The following RALGPS2 variants were observed in gnomAD, a reference collection of about 807,000 sequenced individuals.
RALGPS2 encodes the protein Ral GEF with PH domain and SH3 binding motif 2.
RALGPS2 carries 43 observed loss-of-function variants against 86.8 expected under a neutral mutation model. The ratio of observed to expected loss-of-function variants is 0.50; its 90% CI spans 0.39 to 0.64. The LOEUF (loss-of-function observed/expected upper bound fraction) is 0.64, where lower values mean the gene tolerates loss of function less well. Among genes scored for constraint, RALGPS2 ranks in the 30% least tolerant of loss-of-function variants. RALGPS2 has a pLI of 0.00. For missense variants in RALGPS2, 536 were observed against 694.6 expected, an observed-to-expected ratio of 0.77 and a Z score of 2.57; for synonymous variants, 243 against 231.3, an observed-to-expected ratio of 1.05 and a Z score of -0.46.
At chr1:178,771,059 G>T (rs141009026) in intron 1 of RALGPS2, among the ~76,000 whole-genome samples, 1 of 151,324 alleles carries the variant, frequency 6.6e-6, no homozygotes, top group South Asian at 2.1e-4. Flanking sequence ...CGCTGGTCTC[G>T]AACTCCTGAT....
chr1:178,819,231 A>G (rs1655382927), intron 6 of RALGPS2, among the ~76,000 whole-genome samples: 1 of 152,046 alleles, frequency 6.6e-6, no homozygotes, highest in Non-Finnish European at 1.5e-5. Flanking sequence ...GGGCTCAAGC[A>G]GTTCACCTGC....
At chr1:178,897,415 T>G (rs1025790156) in intron 16 of RALGPS2, among the ~76,000 whole-genome samples, 1 of 152,062 alleles carries the variant, frequency 6.6e-6, no homozygotes, top group Non-Finnish European at 1.5e-5. Context: ...GAGTTTGCCT[T>G]TAGATAGAAT....
chr1:178,810,362 G>A (rs970934480), intron 5 of RALGPS2, among the ~76,000 whole-genome samples: 5 of 152,078 alleles, frequency 3.3e-5, no homozygotes, highest in Non-Finnish European at 7.4e-5. Flanking sequence ...ACTCCAGCCT[G>A]GGCAACAGAA....
chr1:178,774,312 T>C (rs969084657), intron 1 of RALGPS2, among the ~76,000 whole-genome samples: 3 of 152,310 alleles, frequency 2.0e-5, no homozygotes, highest in African/African-American at 4.8e-5. Flanking sequence ...TGATTCTTCA[T>C]GCTTATAGTT....
intron 1 of RALGPS2, among the ~76,000 whole-genome samples, chr1:178,743,756 C>T (rs1466484590): frequency 2.6e-5 from 4 of 152,016 alleles, no homozygotes; most frequent in South Asian, 2.1e-4. Context: ...ATGAATTGGA[C>T]GAATTTTTTG....
At chr1:178,730,247 T>C (rs914946214) in intron 1 of RALGPS2, among the ~76,000 whole-genome samples, 6 of 152,192 alleles carry the variant, frequency 3.9e-5, no homozygotes, top group African/African-American at 1.4e-4. Flanking sequence ...TGGCCCTGTT[T>C]TTCAGTTTTC....
chr1:178,861,410 T>C (rs991150456), intron 8 of RALGPS2, among the ~76,000 whole-genome samples: 1 of 151,840 alleles, frequency 6.6e-6, no homozygotes, highest in Non-Finnish European at 1.5e-5. Flanking sequence ...TTTGACATAC[T>C]AAATCCCTAA....
chr1:178,776,246 T>C (rs1653077194), intron 1 of RALGPS2, among the ~76,000 whole-genome samples: 1 of 152,202 alleles, frequency 6.6e-6, no homozygotes, highest in Admixed American at 6.5e-5. Context: ...TTGTGATATG[T>C]TGGTAATCTA....
At chr1:178,876,004 GA>G (rs1165066163) in intron 8 of RALGPS2, among the ~76,000 whole-genome samples, 3 of 151,632 alleles carry the variant, frequency 2.0e-5, no homozygotes, top group East Asian at 1.9e-4. Flanking sequence ...GTTATCTAAA[GA>G]AAAAAAAGTA....
At chr1:178,731,936 G>T (rs1158696482) in intron 1 of RALGPS2, among the ~76,000 whole-genome samples, 2 of 152,038 alleles carry the variant, frequency 1.3e-5, no homozygotes, top group Non-Finnish European at 2.9e-5. Flanking sequence ...GTGGGACTGT[G>T]GTTTGCTGAC....
intron 1 of RALGPS2, among the ~76,000 whole-genome samples, chr1:178,738,668 A>G (rs553825927): frequency 1.8e-4 from 27 of 152,362 alleles, no homozygotes; most frequent in Non-Finnish European, 3.2e-4. Flanking sequence ...AAGGATAGAC[A>G]ATGGTTATAA....
At chr1:178,862,778 T>C (rs1299424978) in intron 8 of RALGPS2, among the ~76,000 whole-genome samples, 2 of 152,132 alleles carry the variant, frequency 1.3e-5, no homozygotes, top group Non-Finnish European at 2.9e-5. Context: ...GCTAGGAAAG[T>C]AGGCTTCATT....
rs569642829 is a variant in RALGPS2 at position 178,732,480 on chromosome 1, A to C, written c.-84+7061A>C. Among the ~76,000 whole-genome samples the C allele has an allele frequency of 2.0e-5, 3 of 151,886 alleles. No individual in the cohort carries two copies. The South Asian group carries it at 6.3e-4, about 32-fold the overall frequency. Reference sequence around the variant, plus strand: ...CATCCGGCTAATTTTTTGTTTTTTTAGTAGAGACAGGGTTTCACCATGTTA... The same window carrying C: ...CATCCGGCTAATTTTTTGTTTTTTTCGTAGAGACAGGGTTTCACCATGTTA... On this transcript the variant is annotated intron_variant, in intron 1 of 19. Coordinates refer to ENST00000367635, the MANE Select transcript of RALGPS2 (RefSeq NM_152663.5).
At chr1:178,734,410 G>A (rs940711330) in intron 1 of RALGPS2, among the ~76,000 whole-genome samples, 2 of 152,194 alleles carry the variant, frequency 1.3e-5, no homozygotes, top group African/African-American at 4.8e-5. Flanking sequence ...CAGGGGTAAG[G>A]GGGTGGTAGC....
chr1:178,851,064 A>G lies in RALGPS2; in HGVS notation c.607+17514A>G, dbSNP rs543921978. ...TTGTGCCAAGTAATATACATGTAAC[A>G]TTTACATTTTTAAGAGCTGAAAAGT... On this transcript the variant is annotated intron_variant, in intron 8 of 19. Transcript: ENST00000367635. The G allele has an allele frequency of 1.6e-5, 24 of 1,457,936 alleles. No individual in the cohort carries two copies. In the South Asian group the frequency reaches 2.3e-4, roughly 14 times the overall value. The allele number at this position is 1,457,936 out of a possible 1,614,324, so 90.3% of individuals were successfully genotyped here.
chr1:178,844,246 T>C (rs1191032834), intron 8 of RALGPS2, among the ~76,000 whole-genome samples: 2 of 152,174 alleles, frequency 1.3e-5, no homozygotes, highest in South Asian at 4.1e-4. Flanking sequence ...CCATGAAATA[T>C]CTATAGTGCA....
intron 8 of RALGPS2, chr1:178,851,253 T>C: frequency 6.2e-7 from 1 of 1,613,960 alleles, no homozygotes; most frequent in Non-Finnish European, 8.5e-7. Flanking sequence ...CCATACTCCA[T>C]TTAGGTTAGA....
intron 5 of RALGPS2, 60 bp from the exon 6 acceptor site, chr1:178,811,255 A>G (rs989152170): frequency 4.4e-6 from 6 of 1,352,312 alleles, no homozygotes; most frequent in Non-Finnish European, 6.0e-6. Flanking sequence ...TTTAAAATAC[A>G]GCAAAAAAAC....
At chr1:178,900,753 A>G (rs1660137372) in intron 17 of RALGPS2, among the ~76,000 whole-genome samples, 2 of 152,028 alleles carry the variant, frequency 1.3e-5, no homozygotes, top group Admixed American at 6.6e-5. Context: ...CAAACCTCTG[A>G]TATAATAAAT....
Sources: allele counts gnomAD v4.1 joint callset (sites outside exome capture counted in the v4.1 genomes callset), GRCh38; gene constraint gnomAD v4.1.1; transcripts MANE v1.5; gene names NCBI Gene and HGNC (gene_info 2026-07-23, HGNC 2026-07-21).